Variants in HTRA1 observed in about 807,000 individuals in gnomAD.
HTRA1 encodes the protein serine protease HTRA1.
HTRA1 carries 26 observed loss-of-function variants against 49.7 expected under a neutral mutation model. The ratio of observed to expected loss-of-function variants is 0.52; its 90% confidence interval spans 0.38 to 0.73. The LOEUF is 0.73. Ranked by LOEUF, HTRA1 falls within the 30% of genes least tolerant of loss-of-function variation. HTRA1 has a pLI of 0.00. For synonymous variants in HTRA1, 291 were observed against 286.9 expected, an observed-to-expected ratio of 1.01 and a Z score of -0.14; for missense variants, 561 against 667.2, an observed-to-expected ratio of 0.84 and a Z score of 1.75.
intron 3 of HTRA1, among the ~76,000 whole-genome samples, chr10:122,496,223 GGGTTC>G (rs1310869415): frequency 6.6e-4 from 26 of 39,204 alleles, no homozygotes; most frequent in African/African-American, 2.7e-3. Flanking sequence ...CAGAGATTGT[GGGTTC>G]TTTTTTTTTT....
chr10:122,463,364 G>A (rs561937403), intron 1 of HTRA1, among the ~76,000 whole-genome samples: 5 of 152,254 alleles, frequency 3.3e-5, no homozygotes, highest in Admixed American at 3.3e-4. Context: ...GTAGAGAGTT[G>A]TCCCGGAGAG....
intron 1 of HTRA1, among the ~76,000 whole-genome samples, chr10:122,486,506 G>A (rs1428308727): frequency 2.0e-5 from 3 of 152,176 alleles, no homozygotes; most frequent in Non-Finnish European, 4.4e-5. Flanking sequence ...GTTCACAGAA[G>A]CGCTCTCACT....
At chr10:122,502,729 A>G (rs1443945056) in intron 3 of HTRA1, among the ~76,000 whole-genome samples, 2 of 152,186 alleles carry the variant, frequency 1.3e-5, no homozygotes, top group African/African-American at 4.8e-5. Flanking sequence ...TGCTGGGCTC[A>G]CTGCAGAAAG....
chr10:122,468,393 GTTGTCA>G (rs974920933), intron 1 of HTRA1, among the ~76,000 whole-genome samples: 1 of 135,344 alleles, frequency 7.4e-6, no homozygotes, highest in Non-Finnish European at 1.6e-5. Flanking sequence ...ATATTAGCGT[GTTGTCA>G]TTGTCATCAT....
intron 1 of HTRA1, among the ~76,000 whole-genome samples, chr10:122,485,674 A>T (rs2097492791): frequency 6.6e-6 from 1 of 152,176 alleles, no homozygotes; most frequent in Non-Finnish European, 1.5e-5. Context: ...ACTGTGTGAG[A>T]AGGGAACTGC....
Position 122,486,311 on chromosome 10 carries a change from T to C in HTRA1, c.473-2591T>C, listed in dbSNP as rs145402280. On this transcript the variant is annotated intron_variant, in intron 1 of 8. Transcript: ENST00000368984. ...GAAAAAATTAAATTAAGGCAGCCAA[T>C]GAAAGGGTTTTGAAAGCAAAAATAA... Among the ~76,000 whole-genome samples, 25 of 152,298 alleles carry C rather than the reference T, an allele frequency of 1.6e-4. No homozygotes were observed. The East Asian group carries it at 4.8e-3, about 29-fold the overall frequency.
At chr10:122,468,696 G>A (rs961719745) in intron 1 of HTRA1, among the ~76,000 whole-genome samples, 3 of 152,196 alleles carry the variant, frequency 2.0e-5, no homozygotes, top group Admixed American at 6.5e-5. Context: ...TGTGACCAGT[G>A]TGTGGCTTCT....
Position 122,461,897 on chromosome 10 carries a change from C to A in HTRA1, c.245C>A (p.Pro82Gln), listed in dbSNP as rs541204010. ...EGAACGLQEGPCGEGLQCVVP... is the reference protein window; with the variant it reads ...EGAACGLQEGQCGEGLQCVVP... ...GCCGCGTGCGGCCTGCAGGAGGGCC[C>A]GTGCGGCGAGGGGCTGCAGTGCGTG... Residue 82 changes from proline to glutamine, a missense_variant, in exon 1 of 9, where the codon CCG becomes CAG. Physicochemically the swap from Pro to Gln is moderately conservative, Grantham distance 76 (BLOSUM62 -1). Around this residue, in one of 3 missense-constraint regions of HTRA1, gnomAD observed 271 missense variants for 410.0 expected, o/e 0.66. Transcript: ENST00000368984. 7.2e-7 allele frequency: 1 copy of A among 1,382,712 alleles called. No individual in the cohort carries two copies. Among genetic ancestry groups the A allele is most frequent in the Non-Finnish European group, 9.3e-7 (1 of 1,073,082 alleles). 85.7% of individuals were successfully genotyped at this position (1,382,712 alleles called of 1,614,324 possible).
intron 1 of HTRA1, among the ~76,000 whole-genome samples, chr10:122,484,789 A>G (rs545368452): frequency 6.6e-6 from 1 of 152,244 alleles, no homozygotes; most frequent in East Asian, 1.9e-4. Flanking sequence ...ACTCTGGTCC[A>G]TCTGAGGCCA....
chr10:122,499,608 C>T (rs1471646963), intron 3 of HTRA1, among the ~76,000 whole-genome samples: 1 of 152,190 alleles, frequency 6.6e-6, no homozygotes, highest in Non-Finnish European at 1.5e-5. Flanking sequence ...CCTTACCCAG[C>T]TTGGCGCACT....
chr10:122,468,976 T>A (rs1163169958), intron 1 of HTRA1, among the ~76,000 whole-genome samples: 1 of 152,184 alleles, frequency 6.6e-6, no homozygotes, highest in African/African-American at 2.4e-5. Flanking sequence ...TAAGCACGTT[T>A]CATAAAAACA....
chr10:122,489,760 C>A, intron 3 of HTRA1, 134 bp downstream of exon 3: 5 of 834,504 alleles, frequency 6.0e-6, no homozygotes, highest in Non-Finnish European at 9.9e-6. Context: ...ACAGGAGGGC[C>A]TTGAGGAGAT....
At chr10:122,479,286 A>G (rs1322855643) in intron 1 of HTRA1, among the ~76,000 whole-genome samples, 1 of 152,054 alleles carries the variant, frequency 6.6e-6, no homozygotes, top group African/African-American at 2.4e-5. Context: ...CTGGCTGAGA[A>G]GGTGGGGACC....
intron 1 of HTRA1, among the ~76,000 whole-genome samples, chr10:122,463,503 T>G (rs1464157736): frequency 2.0e-5 from 3 of 152,060 alleles, no homozygotes; most frequent in African/African-American, 7.3e-5. Context: ...CTCCTCTCTC[T>G]CTCTTTTTTT....
intron 1 of HTRA1, among the ~76,000 whole-genome samples, chr10:122,474,612 C>G (rs1490357377): frequency 6.6e-6 from 1 of 152,242 alleles, no homozygotes; most frequent in Non-Finnish European, 1.5e-5. Context: ...GGGCAGGAAG[C>G]GAACCCAGCT....
At chr10:122,501,846 T>C (rs147574090) in intron 3 of HTRA1, among the ~76,000 whole-genome samples, 27 of 152,034 alleles carry the variant, frequency 1.8e-4, no homozygotes, top group Non-Finnish European at 3.4e-4. Flanking sequence ...CTGAGGTTGA[T>C]TGGATGGAGG....
chr10:122,492,379 G>C (rs950265402), intron 3 of HTRA1, among the ~76,000 whole-genome samples: 2 of 152,026 alleles, frequency 1.3e-5, no homozygotes, highest in African/African-American at 4.8e-5. Flanking sequence ...TGTTGCCCAG[G>C]CTGGAGTGCA....
intron 3 of HTRA1, among the ~76,000 whole-genome samples, chr10:122,502,915 G>A (rs540657694): frequency 6.6e-6 from 1 of 152,346 alleles, no homozygotes; most frequent in Admixed American, 6.5e-5. Context: ...CTGGCATGAG[G>A]AGTGGGACTC....
rs146747257 is a variant in HTRA1 at position 122,495,173 on chromosome 10, C to T, written c.777+5547C>T. ...CTGTCACTCATCCTCATGAAGGAAGCGCCTGGGAGCCTGGAATGCACATCG... is the reference window on the plus strand; with the variant it reads ...CTGTCACTCATCCTCATGAAGGAAGTGCCTGGGAGCCTGGAATGCACATCG... On this transcript the variant is annotated intron_variant, in intron 3 of 8. Transcript: ENST00000368984. Among the ~76,000 whole-genome samples the T allele has an allele frequency of 2.5e-3, 380 of 152,298 alleles. 4 individuals are homozygous for T. The highest frequency in any genetic ancestry group is 7.9e-3 in the African/African-American group (327 of 41,564).
Sources: gnomAD v4.1 joint callset for allele counts (sites outside exome capture counted in the v4.1 genomes callset) on GRCh38, gnomAD v4.1.1 for gene constraint, gnomAD v4.1.1 regional missense constraint, MANE v1.5 for transcripts, NCBI Gene and HGNC (gene_info 2026-07-23, HGNC 2026-07-21) for gene names.